Variants in APOLD1 observed in about 807,000 individuals in gnomAD.
APOLD1 encodes the protein apolipoprotein L domain containing 1.
In APOLD1, 22 loss-of-function variants were observed where a neutral mutation model predicts 15.3. The ratio of observed to expected loss-of-function variants is 1.44; its 90% confidence interval spans 1.03 to 2.05. The LOEUF (loss-of-function observed/expected upper bound fraction) is 2.05, where lower values mean the gene tolerates loss of function less well. APOLD1 is among the 30% of genes most tolerant of loss of function. APOLD1 has a pLI of 0.00. For missense variants in APOLD1, 394 were observed against 353.5 expected, an observed-to-expected ratio of 1.11 and a Z score of -0.92; for synonymous variants, 190 against 167.4, an observed-to-expected ratio of 1.13 and a Z score of -1.04.
rs1215530658 is a variant in APOLD1 at position 12,787,571 on chromosome 12, T to G, written c.666T>G (p.Ser222=). ...ACGAACTCAGCGAGCAGCTGGAGTC[T>G]CGGGTTCAGCTCTGCACCAAGTCCA... ...ALDELSEQLE[S]RVQLCTKSSR... The change falls in exon 2 of 2, where the codon TCT becomes TCG. Residue 222 remains serine, a synonymous_variant. Transcript: ENST00000356591. The surrounding 1 kb of genome is among the most constrained non-coding windows in gnomAD (Gnocchi z 4.9). 8 of 1,613,084 alleles carry G rather than the reference T, an allele frequency of 5.0e-6. No individual in the cohort carries two copies. The highest frequency in any genetic ancestry group is 1.3e-5 in the African/African-American group (1 of 74,934).
intron 1 of APOLD1, among the ~76,000 whole-genome samples, chr12:12,769,970 T>A (rs929806265): frequency 6.6e-6 from 1 of 151,966 alleles, no homozygotes; most frequent in East Asian, 1.9e-4. Context: ...CAAGAAAAAA[T>A]TACAAAGTAT....
At chr12:12,785,869 G>C (rs1947119932) in intron 1 of APOLD1, among the ~76,000 whole-genome samples, 175 bp downstream of exon 1, 1 of 152,224 alleles carries the variant, frequency 6.6e-6, no homozygotes, top group Non-Finnish European at 1.5e-5. Context: ...GCTGCTTCTA[G>C]AATCTGATGT....
At chr12:12,755,423 A>G (rs1245833195) in intron 1 of APOLD1, among the ~76,000 whole-genome samples, 4 of 152,230 alleles carry the variant, frequency 2.6e-5, no homozygotes, top group Non-Finnish European at 5.9e-5. Context: ...CAGTTATATT[A>G]AGATGAAAAA....
intron 1 of APOLD1, among the ~76,000 whole-genome samples, chr12:12,751,651 A>C (rs11055042): frequency 0.096 from 14,661 of 152,266 alleles, 754 homozygotes; most frequent in Middle Eastern, 0.14. Flanking sequence ...ACGCCCACCC[A>C]GGAGTGACTC....
chr12:12,784,699 G>A (rs1295788247), upstream of APOLD1, among the ~76,000 whole-genome samples: 2 of 152,174 alleles, frequency 1.3e-5, no homozygotes, highest in Admixed American at 6.5e-5. Context: ...TTAGAAGGAC[G>A]ATGGATGGAT....
Position 12,761,806 on chromosome 12 carries a change from A to ATAT in APOLD1, c.97-25103_97-25102insTAT, listed in dbSNP as rs1565432721. On this transcript the variant is annotated intron_variant, in intron 1 of 1. Transcript: ENST00000326765. ...TTGAATGAACATATATATATACATG[A>ATAT]ACATATACATATATGTATATGTATA... Among the ~76,000 whole-genome samples the ATAT allele has an allele frequency of 9.6e-4, 94 of 97,872 alleles. 1 individual carries two copies. Among genetic ancestry groups the ATAT allele is most frequent in the East Asian group, 5.7e-3 (13 of 2,278 alleles). The allele number at this position is 97,872 out of a possible 152,430, so 64.2% of individuals were successfully genotyped here.
chr12:12,727,603 C>A (rs545772078), intron 1 of APOLD1, among the ~76,000 whole-genome samples: 26 of 148,020 alleles, frequency 1.8e-4, no homozygotes, highest in African/African-American at 5.0e-4. Context: ...TTTATTTATT[C>A]TTCTTCTTAT....
At position 12,791,127 on chromosome 12, in the gene APOLD1, AT is replaced by A. The variant is rs1947183674; in HGVS notation, c.*3476del. On this transcript the variant is annotated 3_prime_UTR_variant, in exon 2 of 2. Coordinates refer to ENST00000356591, the MANE Select transcript of APOLD1 (RefSeq NM_030817.3). The stretch of plus-strand genomic sequence containing the variant: ...TCAATAGAACTGCTCCATTAAAAAA[AT>A]AATCCTTAGCAAGCATTCGAATCCT... 6.6e-6 allele frequency: 1 copy of A among 152,244 alleles called. No individual in the cohort carries two copies. The highest frequency in any genetic ancestry group is 2.4e-5 in the African/African-American group (1 of 41,466). The allele number at this position is 152,244 out of a possible 1,614,324, so 9.4% of individuals were successfully genotyped here. A position where few individuals can be genotyped will look rare whatever the true frequency, so the allele number is the denominator to read the frequency against.
chr12:12,752,941 A>C (rs1423086459), intron 1 of APOLD1, among the ~76,000 whole-genome samples: 1 of 152,160 alleles, frequency 6.6e-6, no homozygotes, highest in Non-Finnish European at 1.5e-5. Flanking sequence ...ATCTCCACTC[A>C]AGAAAAATGG....
chr12:12,726,467 T>A (rs772826107), intron 1 of APOLD1: 11 of 284,412 alleles, frequency 3.9e-5, no homozygotes, highest in Non-Finnish European at 7.7e-5. Flanking sequence ...GAAATGACAT[T>A]CTTTATGAAT....
chr12:12,745,058 A>G (rs1946755390), intron 1 of APOLD1, among the ~76,000 whole-genome samples: 1 of 152,146 alleles, frequency 6.6e-6, no homozygotes, highest in South Asian at 2.1e-4. Flanking sequence ...ATGTATTAAA[A>G]TAATGTACTG....
At chr12:12,746,673 T>C (rs909728489) in intron 1 of APOLD1, among the ~76,000 whole-genome samples, 3 of 152,166 alleles carry the variant, frequency 2.0e-5, no homozygotes, top group African/African-American at 4.8e-5. Context: ...GGGAGGTACA[T>C]GCACAGGTTG....
intron 1 of APOLD1, among the ~76,000 whole-genome samples, chr12:12,777,113 A>G (rs1947041797): frequency 1.3e-5 from 2 of 152,124 alleles, no homozygotes; most frequent in African/African-American, 4.8e-5. Flanking sequence ...TAGCAATCCC[A>G]TTGTAATTTC....
chr12:12,781,145 T>A (rs1184226370), upstream of APOLD1, among the ~76,000 whole-genome samples: 6 of 152,206 alleles, frequency 3.9e-5, no homozygotes, highest in Admixed American at 3.3e-4. Flanking sequence ...TCTTCATTTT[T>A]AAAAATCAAC....
Position 12,751,060 on chromosome 12 carries a change from A to C in APOLD1, c.96+24964A>C, listed in dbSNP as rs187664575. ...TGCCTTAGCCTCCCAAATTGTCAGGATCACAGGTGTGAGCCACCACGCCTG... is the reference window on the plus strand; with the variant it reads ...TGCCTTAGCCTCCCAAATTGTCAGGCTCACAGGTGTGAGCCACCACGCCTG... On this transcript the variant is annotated intron_variant, in intron 1 of 1. Transcript: ENST00000326765. Among the ~76,000 whole-genome samples, 16 of 151,960 alleles carry C rather than the reference A, an allele frequency of 1.1e-4. No homozygotes were observed. In the East Asian group the frequency reaches 2.7e-3, roughly 26 times the overall value.
intron 1 of APOLD1, among the ~76,000 whole-genome samples, chr12:12,753,893 A>G (rs1946834279): frequency 6.6e-6 from 1 of 151,766 alleles, no homozygotes; most frequent in Non-Finnish European, 1.5e-5. Flanking sequence ...TTGAAATCAG[A>G]CTTCTTATCA....
intron 1 of APOLD1, among the ~76,000 whole-genome samples, chr12:12,769,116 T>C (rs971509148): frequency 2.0e-5 from 3 of 151,164 alleles, no homozygotes; most frequent in Admixed American, 2.0e-4. Flanking sequence ...TAGTCCCAGT[T>C]ACTTGGGAGG....
intron 1 of APOLD1, among the ~76,000 whole-genome samples, chr12:12,745,957 C>T (rs1565428600): frequency 6.6e-6 from 1 of 152,094 alleles, no homozygotes; most frequent in Non-Finnish European, 1.5e-5. Flanking sequence ...CTGCCAGCTC[C>T]CTCCTGTCTC....
upstream of APOLD1, among the ~76,000 whole-genome samples, chr12:12,781,075 A>C (rs925043548): frequency 6.6e-6 from 1 of 152,110 alleles, no homozygotes; most frequent in Non-Finnish European, 1.5e-5. Flanking sequence ...CTGACATAAG[A>C]TATATTACAT....
Sources: gnomAD v4.1 joint callset for allele counts (sites outside exome capture counted in the v4.1 genomes callset) on GRCh38, gnomAD v4.1.1 for gene constraint, Gnocchi (gnomAD v3.1) non-coding constraint, MANE v1.5 for transcripts, NCBI Gene and HGNC (gene_info 2026-07-23, HGNC 2026-07-21) for gene names.